Variants in MRPS15 observed in about 807,000 individuals in gnomAD.
MRPS15 encodes mitochondrial ribosomal protein S15.
In MRPS15, 25 loss-of-function variants were observed where a neutral mutation model predicts 30.7. The ratio of observed to expected loss-of-function variants is 0.81; its 90% confidence interval spans 0.59 to 1.14. The LOEUF (loss-of-function observed/expected upper bound fraction) is 1.14, where lower values mean the gene tolerates loss of function less well. Ranked by LOEUF, MRPS15 falls within the 50% of genes most tolerant of loss-of-function variation. MRPS15 has a pLI of 0.00. For missense variants in MRPS15, 313 were observed against 321.7 expected, an observed-to-expected ratio of 0.97 and a Z score of 0.21; for synonymous variants, 124 against 120.1, an observed-to-expected ratio of 1.03 and a Z score of -0.21.
Position 36,464,291 on chromosome 1 carries a change from C to T in MRPS15, c.-16G>A, listed in dbSNP as rs967948059. The stretch of plus-strand genomic sequence containing the variant: ...CCCTCAGCATGGTGACCTCTAACCC[C>T]CGCGGGGCCCGCGCCGCGGCCGCCG... On this transcript the variant is annotated 5_prime_UTR_variant, in exon 1 of 8. Coordinates refer to ENST00000373116, the MANE Select transcript of MRPS15 (RefSeq NM_031280.4). The T allele has an allele frequency of 4.1e-5, 66 of 1,595,760 alleles. 1 individual carries two copies. The highest frequency in any genetic ancestry group is 5.3e-5 in the Non-Finnish European group (62 of 1,172,180).
At chr1:36,457,359 G>A (rs1297759965) in intron 6 of MRPS15, among the ~76,000 whole-genome samples, 5 of 151,890 alleles carry the variant, frequency 3.3e-5, no homozygotes, top group African/African-American at 1.2e-4. Flanking sequence ...ACTTCCCAGT[G>A]CTATGCCTTA....
chr1:36,464,187 C>T lies in MRPS15; in HGVS notation c.89G>A (p.Ser30Asn), dbSNP rs1260717236. The T allele has an allele frequency of 1.9e-6, 3 of 1,613,898 alleles. No individual in the cohort carries two copies. The highest frequency in any genetic ancestry group is 2.5e-6 in the Non-Finnish European group (3 of 1,179,996). Reference protein sequence around the residue: ...VLVPGLPGGGSAKFPFNQWGL... With the variant: ...VLVPGLPGGGNAKFPFNQWGL... ...CCACTGGTTGAAAGGAAACTTGGCGCTCCCACCGCCCGGCAGCCCGGGTAC... is the reference window on the plus strand; with the variant it reads ...CCACTGGTTGAAAGGAAACTTGGCGTTCCCACCGCCCGGCAGCCCGGGTAC... The change falls in exon 1 of 8, where the codon AGC becomes AAC. Residue 30 changes from serine to asparagine, a missense_variant. By Grantham distance (46) the Ser-to-Asn change is conservative. Transcript: ENST00000373116.
At chr1:36,461,211 G>A (rs1650091244) in intron 4 of MRPS15, 53 bp downstream of exon 4, 2 of 1,563,280 alleles carry the variant, frequency 1.3e-6, no homozygotes, top group Non-Finnish European at 8.8e-7. Context: ...GGGTAGAAGG[G>A]AGTCCCAGAG....
At chr1:36,464,081 C>T (rs1170585094) in intron 1 of MRPS15, 65 bp downstream of exon 1, 1 of 1,590,718 alleles carries the variant, frequency 6.3e-7, no homozygotes, top group East Asian at 2.2e-5. Flanking sequence ...CCTGTGCTTC[C>T]TTATTCCCTA....
intron 5 of MRPS15, among the ~76,000 whole-genome samples, chr1:36,460,201 G>C (rs904638534): frequency 6.6e-6 from 1 of 152,158 alleles, no homozygotes; most frequent in Non-Finnish European, 1.5e-5. Flanking sequence ...TAGAGACGGG[G>C]TTTCACCGTG....
chr1:36,460,788 A>G lies in MRPS15; in HGVS notation c.301-12T>C, dbSNP rs370876782. 58 of 1,611,140 alleles carry G rather than the reference A, an allele frequency of 3.6e-5. No individual in the cohort carries two copies. Among genetic ancestry groups the G allele is most frequent in the Admixed American group, 2.2e-4 (13 of 59,980 alleles). On this transcript the variant is annotated splice_polypyrimidine_tract_variant and intron_variant, in intron 4 of 7. Transcript: ENST00000373116. ...TTTAGCATCTCCTTCTGTTGAAGAC[A>G]GAGACAGAGAAAATCTGTGGAGTCT...
intron 6 of MRPS15, among the ~76,000 whole-genome samples, chr1:36,457,232 C>T (rs951545070): frequency 6.6e-6 from 1 of 151,412 alleles, no homozygotes; most frequent in Non-Finnish European, 1.5e-5. Context: ...GCCGAGATCG[C>T]ACCTCTGCAC....
chr1:36,463,917 C>T, intron 1 of MRPS15, 67 bp from the exon 2 acceptor site: 1 of 1,557,952 alleles, frequency 6.4e-7, no homozygotes, highest in South Asian at 1.2e-5. Flanking sequence ...CCTTTCTGTG[C>T]CCCTCGCATT....
chr1:36,460,144 A>C (rs927112972), intron 5 of MRPS15, among the ~76,000 whole-genome samples: 1 of 152,140 alleles, frequency 6.6e-6, no homozygotes, highest in Non-Finnish European at 1.5e-5. Context: ...AGTAGCTAGG[A>C]CTACAGGCGC....
intron 2 of MRPS15, 41 bp from the exon 3 acceptor site, chr1:36,462,204 C>G: frequency 6.7e-7 from 1 of 1,488,272 alleles, no homozygotes; most frequent in African/African-American, 1.4e-5. Context: ...CCAGAGTCAA[C>G]TCTCGCTGCC....
chr1:36,459,910 T>C (rs1190014106), intron 5 of MRPS15, among the ~76,000 whole-genome samples: 5 of 152,184 alleles, frequency 3.3e-5, no homozygotes, highest in Non-Finnish European at 7.3e-5. Flanking sequence ...TCACATCTAA[T>C]GAGGACTACT....
rs372365694 is a variant in MRPS15, at chr1:36,462,911, A to G, written c.176-748T>C. On this transcript the variant is annotated intron_variant, in intron 2 of 7. Transcript: ENST00000373116. Reference sequence around the variant, plus strand: ...GGTCTTGAACTCCTGGCCTCAAGTGATCCTCCAGCCTTGGCCTCCCAAAAT... The same window carrying G: ...GGTCTTGAACTCCTGGCCTCAAGTGGTCCTCCAGCCTTGGCCTCCCAAAAT... Among the ~76,000 whole-genome samples, 103 of 152,236 alleles carry G rather than the reference A, an allele frequency of 6.8e-4. No homozygotes were observed. In the East Asian group the frequency reaches 0.017, roughly 25 times the overall value.
chr1:36,464,234 G>A lies in MRPS15; in HGVS notation c.42C>T (p.Thr14=), dbSNP rs1570572075. 6.2e-7 allele frequency: 1 copy of A among 1,613,986 alleles called. No homozygotes were observed. Among genetic ancestry groups the A allele is most frequent in the Non-Finnish European group, 8.5e-7 (1 of 1,179,962 alleles). ...GTACTAGGACCTGGGTAACTGCCCG[G>A]GTCCGAATCAAACTCAGCGTCCTCC... ...VAWRTLSLIR[T]RAVTQVLVPG... The change falls in exon 1 of 8, where the codon ACC becomes ACT. Residue 14 remains threonine (T), a synonymous_variant. Transcript: ENST00000373116.
chr1:36,456,278 C>A lies in MRPS15; in HGVS notation c.545G>T (p.Cys182Phe). The change falls in exon 7 of 8, where the codon TGC becomes TTC. Residue 182 changes from cysteine (C) to phenylalanine (F), a missense_variant. Cys to Phe is a radical substitution (Grantham distance 205). Coordinates refer to ENST00000373116, the MANE Select transcript of MRPS15 (RefSeq NM_031280.4). Reference sequence around the variant, plus strand: ...GGTGTACTCAATTCCCAGCCCCCAGCATATCTTCTCAAAGACATCATAGTT... The same window carrying A: ...GGTGTACTCAATTCCCAGCCCCCAGAATATCTTCTCAAAGACATCATAGTT... Reference protein sequence around the residue: ...NTNYDVFEKICWGLGIEYTFP... With the variant: ...NTNYDVFEKIFWGLGIEYTFP... The A allele has an allele frequency of 6.2e-7, 1 of 1,614,186 alleles. No homozygotes were observed. The highest frequency in any genetic ancestry group is 2.2e-5 in the East Asian group (1 of 44,878).
chr1:36,460,803 C>T, intron 4 of MRPS15, 27 bp from the exon 5 acceptor site: 1 of 1,590,934 alleles, frequency 6.3e-7, no homozygotes, highest in Non-Finnish European at 8.6e-7. Context: ...CAGAGAAAAT[C>T]TGTGGAGTCT....
intron 4 of MRPS15, 42 bp from the exon 5 acceptor site, chr1:36,460,818 C>T (rs780140761): frequency 1.2e-5 from 19 of 1,546,642 alleles, no homozygotes; most frequent in Non-Finnish European, 1.6e-5. Context: ...GAGTCTGCCA[C>T]CCTCTAAGAA....
chr1:36,463,846 G>A lies in MRPS15; in HGVS notation c.135C>T (p.Leu45=), dbSNP rs748086571. ...FNQWGLQPRS[L]LLQAARGYVV... ...CATATCCGCGCGCGGCCTGGAGGAG[G>A]AGACCTACGCAGAAAAGAGAGGGCT... The change falls in exon 2 of 8, where the codon CTC becomes CTT. Residue 45 remains leucine, a synonymous_variant. Coordinates refer to ENST00000373116, the MANE Select transcript of MRPS15 (RefSeq NM_031280.4). The A allele has an allele frequency of 3.1e-6, 5 of 1,612,470 alleles. No individual in the cohort carries two copies. The highest frequency in any genetic ancestry group is 4.2e-6 in the Non-Finnish European group (5 of 1,179,152).
chr1:36,460,632 G>C, intron 5 of MRPS15, 60 bp downstream of exon 5: 1 of 1,276,018 alleles, frequency 7.8e-7, no homozygotes. Flanking sequence ...AAGAGCCCTA[G>C]ATCAGGTCCC....
Position 36,464,163 on chromosome 1 carries a change from C to G in MRPS15, c.113G>C (p.Trp38Ser). The G allele has an allele frequency of 6.2e-7, 1 of 1,613,920 alleles. No homozygotes were observed. The highest frequency in any genetic ancestry group is 8.5e-7 in the Non-Finnish European group (1 of 1,179,960). Residue 38 changes from tryptophan (W) to serine (S), a missense_variant, in exon 1 of 8, where the codon TGG (tryptophan) becomes TCG (serine). Trp to Ser is a radical substitution (Grantham distance 177). Transcript: ENST00000373116. ...GGSAKFPFNQWGLQPRSLLLQ... is the reference protein window; with the variant it reads ...GGSAKFPFNQSGLQPRSLLLQ... ...CTCCTCACTTCGAGGCTGCAGGCCC[C>G]ACTGGTTGAAAGGAAACTTGGCGCT...
Sources: allele counts gnomAD v4.1 joint callset (sites outside exome capture counted in the v4.1 genomes callset), GRCh38; gene constraint gnomAD v4.1.1; transcripts MANE v1.5; gene names NCBI Gene and HGNC (gene_info 2026-07-23, HGNC 2026-07-21).